The following UPF3B variants were observed in gnomAD, a reference collection of about 807,000 sequenced individuals.
UPF3B encodes regulator of nonsense transcripts 3B.
UPF3B carries 7 observed loss-of-function variants against 40.3 expected under a neutral mutation model. The observed-to-expected ratio is 0.17, with a 90% CI of 0.10 to 0.33. The LOEUF (loss-of-function observed/expected upper bound fraction) is 0.33, where lower values mean the gene tolerates loss of function less well. Ranked by LOEUF, UPF3B falls within the 10% of genes least tolerant of loss-of-function variation. UPF3B has a pLI of 1.00. For missense variants in UPF3B, 229 were observed against 358.9 expected (o/e 0.64, Z 2.93); for synonymous variants, 117 against 117.3 (o/e 1.00, Z 0.01).
intron 5 of UPF3B, among the ~76,000 whole-genome samples, chrX:119,811,755 C>A (rs1165252810): frequency 9.0e-6 from 1 of 111,126 alleles, no homozygotes; most frequent in Non-Finnish European, 1.9e-5. Flanking sequence ...AGTTTGAGAT[C>A]AGCCTGGGCA....
chrX:119,845,108 T>C, intron 4 of UPF3B, 90 bp downstream of exon 4: 1 of 738,380 alleles, frequency 1.4e-6, no homozygotes, highest in South Asian at 2.3e-5. Flanking sequence ...TTTTCTAATT[T>C]AAAATTTTGG....
intron 6 of UPF3B, among the ~76,000 whole-genome samples, chrX:119,806,120 TG>T (rs1340937320): frequency 2.7e-5 from 2 of 74,147 alleles, no homozygotes; most frequent in East Asian, 8.2e-4. Context: ...TAAGAAAATG[TG>T]GCACATATAC....
chrX:119,826,212 G>C (rs979822920), intron 3 of UPF3B, among the ~76,000 whole-genome samples: 4 of 110,438 alleles, frequency 3.6e-5, no homozygotes, highest in Admixed American at 2.9e-4. Context: ...CAGATGCGGT[G>C]GCTCATGCCT....
downstream of UPF3B, chrX:119,831,693 C>G: frequency 1.3e-6 from 1 of 754,758 alleles, no homozygotes; most frequent in Non-Finnish European, 1.6e-6. Flanking sequence ...TTGGTGCTGT[C>G]ATCAGGAAAA....
intron 3 of UPF3B, among the ~76,000 whole-genome samples, chrX:119,825,961 C>T (rs1304142666): frequency 9.0e-6 from 1 of 110,648 alleles, no homozygotes; most frequent in Non-Finnish European, 1.9e-5. Flanking sequence ...GAGTTTGAGA[C>T]CAGCTTGGCC....
At chrX:119,825,443 T>A (rs1424924064) in intron 3 of UPF3B, among the ~76,000 whole-genome samples, 1 of 111,561 alleles carries the variant, frequency 9.0e-6, no homozygotes, top group African/African-American at 3.3e-5. Flanking sequence ...AACAGCCATA[T>A]CAGAAGTCTT....
chrX:119,838,336 C>T, intron 9 of UPF3B, 31 bp downstream of exon 9: 17 of 1,204,595 alleles, frequency 1.4e-5, no homozygotes, highest in Non-Finnish European at 1.9e-5. Context: ...ATGTATAAAT[C>T]AAACATAACA....
chrX:119,826,424 G>T (rs2055979855), intron 3 of UPF3B, among the ~76,000 whole-genome samples: 1 of 111,085 alleles, frequency 9.0e-6, no homozygotes, highest in South Asian at 3.9e-4. Context: ...AGAGGTTGCA[G>T]TGAGTCGAGA....
chrX:119,842,580 T>TCA (rs773370806), intron 5 of UPF3B, among the ~76,000 whole-genome samples: 4,010 of 71,342 alleles, frequency 0.056, 98 homozygotes, highest in Middle Eastern at 0.12. Flanking sequence ...ACTCCATCTC[T>TCA]CACACACACA....
intron 3 of UPF3B, among the ~76,000 whole-genome samples, chrX:119,846,459 C>T (rs1483337946): frequency 4.1e-5 from 4 of 96,643 alleles, no homozygotes; most frequent in South Asian, 4.8e-4. Context: ...ACCTGGGAGG[C>T]GGAGGTTGCA....
intron 3 of UPF3B, among the ~76,000 whole-genome samples, chrX:119,850,539 T>G: frequency 9.0e-6 from 1 of 111,183 alleles, no homozygotes; most frequent in South Asian, 3.7e-4. Flanking sequence ...TTTACCAACT[T>G]TGAAGTAATA....
intron 3 of UPF3B, among the ~76,000 whole-genome samples, chrX:119,850,816 G>A (rs967646207): frequency 6.3e-5 from 7 of 111,892 alleles, no homozygotes; most frequent in African/African-American, 1.9e-4. Flanking sequence ...TCAGCTCACT[G>A]CAACCTCTGC....
chrX:119,819,842 C>CTTT (rs34094727), intron 4 of UPF3B, among the ~76,000 whole-genome samples: 7 of 68,641 alleles, frequency 1.0e-4, no homozygotes, highest in Admixed American at 3.2e-4. Flanking sequence ...TCTATTTTTC[C>CTTT]TTTTTTTTTT....
intron 10 of UPF3B, among the ~76,000 whole-genome samples, chrX:119,836,217 T>C (rs1430002554): frequency 9.1e-6 from 1 of 110,188 alleles, no homozygotes; most frequent in East Asian, 2.9e-4. Flanking sequence ...TAGCCGGGCA[T>C]GGTGGCTTGA....
chrX:119,807,018 G>T (rs1400346418), intron 6 of UPF3B, among the ~76,000 whole-genome samples: 2 of 69,456 alleles, frequency 2.9e-5, no homozygotes, highest in Non-Finnish European at 4.8e-5. Context: ...AACAGGGTGA[G>T]ACCCTGTCTA....
chrX:119,841,926 T>A, intron 5 of UPF3B, 148 bp from the exon 6 acceptor site: 1 of 475,822 alleles, frequency 2.1e-6, no homozygotes, highest in Non-Finnish European at 3.7e-6. Context: ...AGAAAGAAGT[T>A]TTACAGCATT....
chrX:119,812,417 A>G (rs2055833915), intron 5 of UPF3B, among the ~76,000 whole-genome samples: 1 of 111,418 alleles, frequency 9.0e-6, no homozygotes, highest in African/African-American at 3.3e-5. Flanking sequence ...AGTTGTATAT[A>G]TCTTTTCCAT....
intron 3 of UPF3B, among the ~76,000 whole-genome samples, chrX:119,848,735 A>G (rs1167570621): frequency 9.0e-6 from 1 of 110,779 alleles, no homozygotes; most frequent in African/African-American, 3.3e-5. Context: ...GTCAGAAAAG[A>G]CCACATATTG....
intron 3 of UPF3B, among the ~76,000 whole-genome samples, chrX:119,826,109 C>T (rs1202870660): frequency 6.3e-5 from 7 of 111,040 alleles, no homozygotes; most frequent in East Asian, 2.8e-4. Flanking sequence ...TGCAGTGAGC[C>T]GAGATCGTGC....
Sources: gnomAD v4.1 joint callset for allele counts (sites outside exome capture counted in the v4.1 genomes callset) on GRCh38, gnomAD v4.1.1 for gene constraint, MANE v1.5 for transcripts, NCBI Gene and HGNC (gene_info 2026-07-23, HGNC 2026-07-21) for gene names.